The following AFF2 variants were observed in gnomAD, a reference collection of about 807,000 sequenced individuals.
AFF2 encodes the protein ALF transcription elongation factor 2, also known as AF4/FMR2 family member 2.
In AFF2, 14 loss-of-function variants were observed where a neutral mutation model predicts 76.9. The ratio of observed to expected loss-of-function variants is 0.18; its 90% CI spans 0.12 to 0.28. The LOEUF (loss-of-function observed/expected upper bound fraction) is 0.28. Among genes scored for constraint, AFF2 ranks in the 10% least tolerant of loss-of-function variants. The probability of loss-of-function intolerance (pLI) is 1.00; values close to 1 mark genes in which losing one functional copy is unlikely to be tolerated. For synonymous variants in AFF2, 398 were observed against 366.7 expected (o/e 1.09, Z -0.98); for missense variants, 868 against 1,001.1 (o/e 0.87, Z 1.79).
intron 1 of AFF2, among the ~76,000 whole-genome samples, chrX:148,556,710 C>T (rs1370554264): frequency 1.5e-4 from 17 of 111,933 alleles, no homozygotes; most frequent in Admixed American, 2.9e-4. Flanking sequence ...TCGCATTGGC[C>T]ATAAAGTAAA....
At chrX:148,626,312 C>T (rs1241527873) in intron 1 of AFF2, among the ~76,000 whole-genome samples, 1 of 110,007 alleles carries the variant, frequency 9.1e-6, no homozygotes, top group South Asian at 4.0e-4. Context: ...TCTCCTGGTG[C>T]GAGTTCAGGT....
intron 3 of AFF2, among the ~76,000 whole-genome samples, chrX:148,728,960 T>C (rs1223119950): frequency 8.9e-6 from 1 of 112,129 alleles, no homozygotes; most frequent in Non-Finnish European, 1.9e-5. Context: ...CTTGGGAAGG[T>C]TGCGGTTATT....
intron 3 of AFF2, among the ~76,000 whole-genome samples, chrX:148,728,498 C>T (rs1432883555): frequency 2.7e-5 from 3 of 112,545 alleles, no homozygotes; most frequent in Non-Finnish European, 5.6e-5. Context: ...AGCAAGGATA[C>T]TCTATTTTCA....
intron 19 of AFF2, among the ~76,000 whole-genome samples, chrX:148,984,097 A>G (rs1173975171): frequency 9.1e-6 from 1 of 110,313 alleles, no homozygotes; most frequent in Admixed American, 9.7e-5. Flanking sequence ...TGCTGAGGAT[A>G]GGGGAGGGAG....
chrX:148,903,790 C>A (rs2071379822), intron 8 of AFF2, among the ~76,000 whole-genome samples: 1 of 111,326 alleles, frequency 9.0e-6, no homozygotes, highest in Non-Finnish European at 1.9e-5. Context: ...GTGAGCAGTT[C>A]CCTACCACAA....
intron 3 of AFF2, among the ~76,000 whole-genome samples, chrX:148,751,119 C>T (rs2055494138): frequency 8.9e-6 from 1 of 111,970 alleles, no homozygotes; most frequent in South Asian, 3.8e-4. Context: ...CATAAAGATA[C>T]TCTGTTTAAA....
intron 3 of AFF2, among the ~76,000 whole-genome samples, chrX:148,751,875 T>C (rs2055504582): frequency 1.8e-5 from 2 of 112,169 alleles, no homozygotes; most frequent in Non-Finnish European, 3.8e-5. Context: ...AGAAGGCTTA[T>C]AAACATTAGG....
At chrX:148,641,009 A>G (rs913033639) in intron 1 of AFF2, among the ~76,000 whole-genome samples, 1 of 111,616 alleles carries the variant, frequency 9.0e-6, no homozygotes, top group Non-Finnish European at 1.9e-5. Context: ...GAGTGTTCCT[A>G]TGGCACTTTC....
Position 148,990,932 on chromosome X carries a change from C to T in AFF2, c.3815-279C>T, listed in dbSNP as rs986691067. Among the ~76,000 whole-genome samples, 4 of 112,217 alleles carry T rather than the reference C, an allele frequency of 3.6e-5. No homozygotes were observed. In the Admixed American group the frequency reaches 3.8e-4, roughly 11 times the overall value. ...CAATTTTGTGTAGAAATACCCTTTT[C>T]TAAATATAAATGTATAATCTATGAA... On this transcript the variant is annotated intron_variant, in intron 20 of 20. Coordinates refer to ENST00000370460, the MANE Select transcript of AFF2 (RefSeq NM_002025.4).
chrX:148,956,797 T>C (rs1321829936), intron 11 of AFF2, among the ~76,000 whole-genome samples, 184 bp downstream of exon 11: 11 of 112,744 alleles, frequency 9.8e-5, no homozygotes, highest in Non-Finnish European at 1.9e-4. Flanking sequence ...CTAGAAATGA[T>C]CTGTAGCCAG....
intron 1 of AFF2, among the ~76,000 whole-genome samples, chrX:148,528,333 C>T (rs986582411): frequency 1.7e-4 from 19 of 111,839 alleles, no homozygotes; most frequent in African/African-American, 5.5e-4. Context: ...TTTAACTTCT[C>T]GAGGTGAGCT....
intron 3 of AFF2, among the ~76,000 whole-genome samples, chrX:148,741,863 C>G (rs1271840308): frequency 9.0e-6 from 1 of 111,592 alleles, no homozygotes; most frequent in African/African-American, 3.3e-5. Context: ...GGCTCTCTAA[C>G]TTGACTCAGC....
intron 3 of AFF2, among the ~76,000 whole-genome samples, chrX:148,797,057 T>C (rs1335636950): frequency 8.9e-6 from 1 of 112,723 alleles, no homozygotes; most frequent in Non-Finnish European, 1.9e-5. Context: ...GTTTTCGTTA[T>C]GAAAATACTT....
chrX:148,962,075 A>G (rs782202053), intron 12 of AFF2, among the ~76,000 whole-genome samples: 3 of 112,806 alleles, frequency 2.7e-5, no homozygotes, highest in Admixed American at 9.3e-5. Flanking sequence ...AACATTTTTA[A>G]ATGGAGTTTT....
intron 1 of AFF2, among the ~76,000 whole-genome samples, chrX:148,624,851 T>G (rs781853540): frequency 1.4e-4 from 16 of 111,875 alleles, no homozygotes; most frequent in African/African-American, 5.2e-4. Context: ...TCAGAAACAT[T>G]GATGCGTCTA....
intron 3 of AFF2, among the ~76,000 whole-genome samples, chrX:148,715,264 T>A (rs1557263249): frequency 1.8e-5 from 2 of 111,856 alleles, no homozygotes. Context: ...ATGTTCCTTA[T>A]CAAGCAATTA....
chrX:148,810,733 G>C (rs2070192828), intron 4 of AFF2, among the ~76,000 whole-genome samples: 1 of 112,063 alleles, frequency 8.9e-6, no homozygotes, highest in African/African-American at 3.2e-5. Flanking sequence ...AGGCTACCAA[G>C]TGGTATATAA....
intron 3 of AFF2, among the ~76,000 whole-genome samples, chrX:148,754,238 G>T (rs2055534565): frequency 8.9e-6 from 1 of 111,758 alleles, no homozygotes; most frequent in Admixed American, 9.5e-5. Flanking sequence ...AAGTAACCAT[G>T]CTATGTAACA....
At chrX:148,642,236 C>A (rs1219749659) in intron 1 of AFF2, among the ~76,000 whole-genome samples, 5 of 111,853 alleles carry the variant, frequency 4.5e-5, no homozygotes, top group Non-Finnish European at 3.8e-5. Context: ...TTTGCCTGGG[C>A]AAAAATTAGT....
Sources: allele counts gnomAD v4.1 joint callset (sites outside exome capture counted in the v4.1 genomes callset), GRCh38; gene constraint gnomAD v4.1.1; transcripts MANE v1.5; gene names NCBI Gene and HGNC (gene_info 2026-07-23, HGNC 2026-07-21).